Variants in SLC25A24 observed in about 807,000 individuals in gnomAD.
SLC25A24 encodes the protein solute carrier family 25 member 24, also known as mitochondrial adenyl nucleotide antiporter SLC25A24.
SLC25A24 carries 49 observed loss-of-function variants against 60.7 expected under a neutral mutation model. The observed-to-expected ratio is 0.81, with a 90% CI of 0.64 to 1.02. The LOEUF is 1.02. SLC25A24 is among the 50% of genes least tolerant of loss of function. SLC25A24 has a pLI of 0.00. For synonymous variants in SLC25A24, 202 were observed against 200.6 expected, an observed-to-expected ratio of 1.01 and a Z score of -0.06; for missense variants, 564 against 586.3, an observed-to-expected ratio of 0.96 and a Z score of 0.39.
At chr1:108,150,982 C>T (rs1679739653) in intron 6 of SLC25A24, among the ~76,000 whole-genome samples, 1 of 152,170 alleles carries the variant, frequency 6.6e-6, no homozygotes, top group Non-Finnish European at 1.5e-5. Context: ...AGGAGGACCA[C>T]TTGAGGTCAG....
chr1:108,175,742 T>TA (rs1281707821), intron 3 of SLC25A24, among the ~76,000 whole-genome samples: 8 of 152,088 alleles, frequency 5.3e-5, no homozygotes, highest in Non-Finnish European at 1.2e-4. Flanking sequence ...TGAGTATTCA[T>TA]ATAGCTATGG....
chr1:108,170,191 G>T (rs957753381), intron 3 of SLC25A24, among the ~76,000 whole-genome samples: 1 of 152,072 alleles, frequency 6.6e-6, no homozygotes, highest in African/African-American at 2.4e-5. Flanking sequence ...TCAAGTCAAC[G>T]TGTCCTTGAA....
chr1:108,147,924 G>A (rs543302544), intron 7 of SLC25A24, among the ~76,000 whole-genome samples: 31 of 152,156 alleles, frequency 2.0e-4, no homozygotes, highest in Non-Finnish European at 3.4e-4. Context: ...TTGGACCACT[G>A]ACTCTAGGGA....
intron 5 of SLC25A24, 38 bp from the exon 6 acceptor site, chr1:108,155,173 C>T (rs750575976): frequency 1.2e-5 from 19 of 1,574,398 alleles, no homozygotes; most frequent in Admixed American, 1.8e-5. Flanking sequence ...ATGCTGGTGG[C>T]ATATTACTAT....
intron 1 of SLC25A24, chr1:108,198,962 G>A (rs1648580935): frequency 6.6e-6 from 1 of 152,170 alleles, no homozygotes; most frequent in Admixed American, 6.5e-5. Context: ...CAAAACTTTG[G>A]CAAGATTGAA....
At chr1:108,168,669 T>C (rs1012872633) in intron 3 of SLC25A24, among the ~76,000 whole-genome samples, 2 of 152,376 alleles carry the variant, frequency 1.3e-5, no homozygotes, top group African/African-American at 2.4e-5. Context: ...ATGCTGTTCA[T>C]GTCTTTGCCC....
intron 4 of SLC25A24, among the ~76,000 whole-genome samples, chr1:108,157,948 C>CT: frequency 6.6e-6 from 1 of 151,242 alleles, no homozygotes; most frequent in South Asian, 2.1e-4. Flanking sequence ...CATAGTCAAT[C>CT]TTTTTTATTG....
chr1:108,199,715 C>T lies in SLC25A24; in HGVS notation c.183+241G>A, dbSNP rs1648600490. On this transcript the variant is annotated intron_variant, in intron 1 of 9. Coordinates refer to ENST00000565488, the MANE Select transcript of SLC25A24 (RefSeq NM_013386.5). Reference sequence around the variant, plus strand: ...AACAGTGCCCGTGGGCCAGAGTGTCCACAACACTCATTTTATCTGGACAAA... The same window carrying T: ...AACAGTGCCCGTGGGCCAGAGTGTCTACAACACTCATTTTATCTGGACAAA... The T allele has an allele frequency of 6.9e-6, 4 of 579,750 alleles. No individual in the cohort carries two copies. The South Asian group carries it at 8.5e-5, about 12-fold the overall frequency. 35.9% of individuals were successfully genotyped at this position (579,750 alleles called of 1,614,324 possible). A position where few individuals can be genotyped will look rare whatever the true frequency, so the allele number is the denominator to read the frequency against.
chr1:108,138,355 C>T (rs1227137143), intron 9 of SLC25A24, among the ~76,000 whole-genome samples: 1 of 152,064 alleles, frequency 6.6e-6, no homozygotes, highest in East Asian at 1.9e-4. Flanking sequence ...GCTGTAGATG[C>T]CCAAGGTGTA....
Position 108,181,990 on chromosome 1 carries a change from T to C in SLC25A24, c.349A>G (p.Thr117Ala). The C allele has an allele frequency of 6.2e-7, 1 of 1,613,038 alleles. No homozygotes were observed. The highest frequency in any genetic ancestry group is 1.3e-5 in the African/African-American group (1 of 75,010). The change falls in exon 3 of 10, where the codon ACA becomes GCA. Residue 117 changes from threonine (T) to alanine (A), a missense_variant. Physicochemically the swap from Thr to Ala is moderately conservative, Grantham distance 58 (BLOSUM62 0). Transcript: ENST00000565488. ...EASEIVQSLQ[T>A]LGLTISEQQA... ...TGTTCAGAAATAGTCAGACCCAGTG[T>C]CTGGAGAGACTGGACAATTTCTGAA...
chr1:108,152,542 A>C (rs568253287), intron 6 of SLC25A24, among the ~76,000 whole-genome samples: 1 of 152,228 alleles, frequency 6.6e-6, no homozygotes, highest in South Asian at 2.1e-4. Context: ...TTTTTTGTAG[A>C]AATGGGGTTT....
chr1:108,155,954 C>A (rs964598003), intron 5 of SLC25A24, among the ~76,000 whole-genome samples: 2 of 60,682 alleles, frequency 3.3e-5, no homozygotes, highest in African/African-American at 1.7e-4. Flanking sequence ...CCACTAAACA[C>A]ACACACACAC....
intron 4 of SLC25A24, among the ~76,000 whole-genome samples, chr1:108,159,795 T>C (rs1177147209): frequency 6.6e-6 from 1 of 151,344 alleles, no homozygotes; most frequent in African/African-American, 2.4e-5. Flanking sequence ...AGGTCATAGA[T>C]CAACAGGATC....
chr1:108,164,793 T>G (rs1244009297), intron 3 of SLC25A24, among the ~76,000 whole-genome samples: 1 of 101,660 alleles, frequency 9.8e-6, no homozygotes, highest in Non-Finnish European at 2.0e-5. Flanking sequence ...TCTATTTCCT[T>G]CAGTTCTGCT....
At chr1:108,180,541 A>G (rs1392346493) in intron 3 of SLC25A24, among the ~76,000 whole-genome samples, 1 of 151,898 alleles carries the variant, frequency 6.6e-6, no homozygotes, top group African/African-American at 2.4e-5. Context: ...TTTAGGGGGT[A>G]AAGTCAAATA....
intron 1 of SLC25A24, among the ~76,000 whole-genome samples, chr1:108,193,022 T>G (rs1648394897): frequency 7.2e-6 from 1 of 139,622 alleles, no homozygotes; most frequent in African/African-American, 2.5e-5. Flanking sequence ...TCTGAAAGTA[T>G]AGCTTCTCTT....
intron 2 of SLC25A24, among the ~76,000 whole-genome samples, chr1:108,184,997 T>C (rs1344120066): frequency 6.6e-6 from 1 of 152,204 alleles, no homozygotes; most frequent in African/African-American, 2.4e-5. Context: ...CAAGACCCTA[T>C]TTCCAATTAG....
At chr1:108,139,032 G>C in intron 9 of SLC25A24, 26 bp downstream of exon 9, 1 of 1,542,806 alleles carries the variant, frequency 6.5e-7, no homozygotes, top group Non-Finnish European at 8.7e-7. Flanking sequence ...ACTTTTATCG[G>C]TGTGGTTCTG....
intron 6 of SLC25A24, 85 bp downstream of exon 6, chr1:108,154,898 T>A (rs1034717631): frequency 8.9e-6 from 9 of 1,011,486 alleles, no homozygotes; most frequent in Non-Finnish European, 1.3e-5. Context: ...AAAACAAGAA[T>A]CCCAAAAGCA....
Sources: allele counts gnomAD v4.1 joint callset (sites outside exome capture counted in the v4.1 genomes callset), GRCh38; gene constraint gnomAD v4.1.1; transcripts MANE v1.5; gene names NCBI Gene and HGNC (gene_info 2026-07-23, HGNC 2026-07-21).